The following KCNK10 variants were observed in gnomAD, a reference collection of about 807,000 sequenced individuals.
KCNK10 encodes the protein potassium channel subfamily K member 10.
KCNK10 carries 25 observed loss-of-function variants against 47.7 expected under a neutral mutation model. The ratio of observed to expected loss-of-function variants is 0.52; its 90% CI spans 0.38 to 0.73. The LOEUF (loss-of-function observed/expected upper bound fraction) is 0.73. Ranked by LOEUF, KCNK10 falls within the 30% of genes least tolerant of loss-of-function variation. KCNK10 has a pLI of 0.00. For missense variants in KCNK10, 563 were observed against 714.5 expected (o/e 0.79, Z 2.42); for synonymous variants, 303 against 285.6 (o/e 1.06, Z -0.61).
intron 1 of KCNK10, among the ~76,000 whole-genome samples, chr14:88,306,514 T>C (rs1888205050): frequency 6.6e-6 from 1 of 152,206 alleles, no homozygotes; most frequent in Non-Finnish European, 1.5e-5. Context: ...TCTGTCATCA[T>C]GATAGCTCAT....
At chr14:88,295,175 T>A (rs771853578) in intron 1 of KCNK10, among the ~76,000 whole-genome samples, 13 of 152,180 alleles carry the variant, frequency 8.5e-5, no homozygotes, top group African/African-American at 1.4e-4. Flanking sequence ...TCAGTGGAGA[T>A]TATTTCCCCT....
At position 88,263,237 on chromosome 14, in the gene KCNK10, A is replaced by G; in HGVS notation, c.367T>C (p.Cys123Arg). The G allele has an allele frequency of 6.2e-7, 1 of 1,614,186 alleles. No individual in the cohort carries two copies. ...GTCTCCAGCTCCTGGGGGCTCACAC[A>G]GACATGATCCCGCAGGAATTCCGCC... ...EKAEFLRDHV[C>R]VSPQELETLI... Residue 123 changes from cysteine to arginine, a missense_variant, in exon 2 of 7, where the codon TGT becomes CGT. By Grantham distance (180) the Cys-to-Arg change is radical. Coordinates refer to ENST00000319231, the MANE Select transcript of KCNK10 (RefSeq NM_138317.3).
intron 1 of KCNK10, among the ~76,000 whole-genome samples, chr14:88,268,314 G>A (rs898930834): frequency 6.6e-6 from 1 of 152,198 alleles, no homozygotes; most frequent in Admixed American, 6.5e-5. Flanking sequence ...TACCCGCAGT[G>A]CAAGCCCAGC....
chr14:88,282,040 T>C (rs1051943974), intron 1 of KCNK10, among the ~76,000 whole-genome samples: 1 of 152,222 alleles, frequency 6.6e-6, no homozygotes, highest in East Asian at 1.9e-4. Context: ...CCCTGCTCAT[T>C]TGGTTCACTC....
intron 4 of KCNK10, among the ~76,000 whole-genome samples, chr14:88,215,750 GAGAGAGAC>G (rs750008454): frequency 3.9e-5 from 6 of 152,194 alleles, no homozygotes; most frequent in African/African-American, 7.2e-5. Flanking sequence ...AAAAGAGAGA[GAGAGAGAC>G]AGAGAGACAG....
At chr14:88,227,312 T>C in intron 4 of KCNK10, 63 bp downstream of exon 4, 1 of 1,329,380 alleles carries the variant, frequency 7.5e-7, no homozygotes, top group Non-Finnish European at 1.0e-6. Flanking sequence ...GCCTCCTGGA[T>C]CCTGTCAGGC....
intron 4 of KCNK10, among the ~76,000 whole-genome samples, chr14:88,202,598 C>A (rs1885135984): frequency 6.6e-6 from 1 of 152,210 alleles, no homozygotes; most frequent in Non-Finnish European, 1.5e-5. Flanking sequence ...CACTGGCACC[C>A]GCCACTCCCC....
In KCNK10 at chr14:88,184,940, C is replaced by T. The variant is rs1173283266; in HGVS notation, c.*595G>A. ...AGAAAAGCAATTGCACCTTTTCGTA[C>T]GTGTGCTCTGATCTGCTTCCAACAA... On this transcript the variant is annotated 3_prime_UTR_variant, in exon 7 of 7. Coordinates refer to ENST00000319231, the MANE Select transcript of KCNK10 (RefSeq NM_138317.3). 6.5e-6 allele frequency: 1 copy of T among 153,098 alleles called. No individual in the cohort carries two copies. Among genetic ancestry groups the T allele is most frequent in the African/African-American group, 2.4e-5 (1 of 41,418 alleles). 9.5% of individuals were successfully genotyped at this position (153,098 alleles called of 1,614,324 possible). A position where few individuals can be genotyped will look rare whatever the true frequency, so the allele number is the denominator to read the frequency against.
chr14:88,190,074 A>G (rs1884697615), intron 5 of KCNK10, among the ~76,000 whole-genome samples: 1 of 152,202 alleles, frequency 6.6e-6, no homozygotes, highest in Non-Finnish European at 1.5e-5. Flanking sequence ...TAGGTAAGTA[A>G]AGATAAGGTA....
chr14:88,312,346 G>A (rs903585829), intron 1 of KCNK10, among the ~76,000 whole-genome samples: 1 of 152,184 alleles, frequency 6.6e-6, no homozygotes, highest in Non-Finnish European at 1.5e-5. Context: ...AATATGACAA[G>A]GAGTGCTAAC....
chr14:88,200,982 T>C (rs1885081615), intron 4 of KCNK10, among the ~76,000 whole-genome samples: 1 of 152,248 alleles, frequency 6.6e-6, no homozygotes, highest in Non-Finnish European at 1.5e-5. Flanking sequence ...TTACTGCTCA[T>C]ACCTCAAGAT....
At chr14:88,277,147 G>C (rs1887541991) in intron 1 of KCNK10, among the ~76,000 whole-genome samples, 1 of 151,928 alleles carries the variant, frequency 6.6e-6, no homozygotes, top group Non-Finnish European at 1.5e-5. Context: ...CCATTTGTCA[G>C]TGTAGCTGCT....
intron 1 of KCNK10, among the ~76,000 whole-genome samples, chr14:88,263,929 T>G (rs1305537640): frequency 1.3e-5 from 2 of 152,194 alleles, no homozygotes; most frequent in Admixed American, 1.3e-4. Context: ...ACAAACATGT[T>G]GTTGAACTTG....
chr14:88,205,212 G>A (rs1399744507), intron 4 of KCNK10, among the ~76,000 whole-genome samples: 1 of 152,188 alleles, frequency 6.6e-6, no homozygotes, highest in Non-Finnish European at 1.5e-5. Flanking sequence ...TCTTCTCATG[G>A]CTTCATAGCT....
At chr14:88,202,202 GTGGTGTA>G (rs1464264025) in intron 4 of KCNK10, among the ~76,000 whole-genome samples, 5 of 152,194 alleles carry the variant, frequency 3.3e-5, no homozygotes, top group Admixed American at 6.5e-5. Context: ...CGCTCAGCCT[GTGGTGTA>G]TGGTAAATGA....
intron 1 of KCNK10, among the ~76,000 whole-genome samples, chr14:88,279,066 A>G (rs1013496053): frequency 1.3e-5 from 2 of 152,082 alleles, no homozygotes; most frequent in South Asian, 2.1e-4. Flanking sequence ...GGCCCATTTC[A>G]TGGTGTTCTT....
At position 88,240,790 on chromosome 14, in the gene KCNK10, T is replaced by C. The variant is rs1326415420; in HGVS notation, c.433A>G (p.Ser145Gly). ...HALDADNAGV[S>G]PIGNSSNNSS... Reference sequence around the variant, plus strand: ...TTGTTGGAAGAGTTTCCTATTGGACTGACTCCCGCATTGTCAGCATCAAGA... The same window carrying C: ...TTGTTGGAAGAGTTTCCTATTGGACCGACTCCCGCATTGTCAGCATCAAGA... Residue 145 changes from serine (S) to glycine (G), a missense_variant, in exon 3 of 7, where the codon AGT (serine) becomes GGT (glycine). Ser to Gly is a moderately conservative substitution (Grantham distance 56, BLOSUM62 0). Coordinates refer to ENST00000319231, the MANE Select transcript of KCNK10 (RefSeq NM_138317.3). The C allele has an allele frequency of 1.2e-6, 2 of 1,612,984 alleles. No homozygotes were observed. Among genetic ancestry groups the C allele is most frequent in the African/African-American group, 2.7e-5 (2 of 74,812 alleles).
At chr14:88,238,017 G>A (rs1414580737) in intron 3 of KCNK10, among the ~76,000 whole-genome samples, 1 of 152,194 alleles carries the variant, frequency 6.6e-6, no homozygotes, top group Non-Finnish European at 1.5e-5. Flanking sequence ...AAAATCTGTT[G>A]TTTAGTGTAG....
At chr14:88,199,172 G>C (rs949260961) in intron 4 of KCNK10, among the ~76,000 whole-genome samples, 1 of 151,992 alleles carries the variant, frequency 6.6e-6, no homozygotes, top group African/African-American at 2.4e-5. Context: ...CACCCGCCTC[G>C]GTCTGCCAAA....
Sources: allele counts gnomAD v4.1 joint callset (sites outside exome capture counted in the v4.1 genomes callset), GRCh38; gene constraint gnomAD v4.1.1; transcripts MANE v1.5; gene names NCBI Gene and HGNC (gene_info 2026-07-23, HGNC 2026-07-21).